The following ACTN1 variants were observed in gnomAD, a reference collection of about 807,000 sequenced individuals.
The protein encoded by ACTN1 is actinin alpha 1.
A neutral mutation model predicts 119.6 loss-of-function variants in ACTN1; 30 were observed. The observed-to-expected ratio is 0.25, with a 90% CI of 0.19 to 0.34. The LOEUF is 0.34. ACTN1 is among the 10% of genes least tolerant of loss of function. The pLI, the probability that ACTN1 is intolerant of heterozygous loss-of-function variation, is 1.00. For synonymous variants in ACTN1, 429 were observed against 472.6 expected (o/e 0.91, Z 1.20); for missense variants, 764 against 1,223.4 (o/e 0.62, Z 5.60).
rs2036569937 is a variant in ACTN1, at chr14:68,962,437, T to G, written c.105+16515A>C. Reference sequence around the variant, plus strand: ...CAGCCGCCTTCCCAGGAGCACCATTTGCCTGTGCCCACAGGTCACTTACCC... The same window carrying G: ...CAGCCGCCTTCCCAGGAGCACCATTGGCCTGTGCCCACAGGTCACTTACCC... On this transcript the variant is annotated intron_variant, in intron 1 of 21. Coordinates refer to ENST00000394419, the MANE Select transcript of ACTN1 (RefSeq NM_001130004.2). 2.6e-5 allele frequency among the ~76,000 whole-genome samples: 4 copies of G among 152,172 alleles called. No individual in the cohort carries two copies. The South Asian group carries it at 8.3e-4, about 31-fold the overall frequency.
chr14:68,978,929 A>G lies in ACTN1; in HGVS notation c.105+23T>C, dbSNP rs4902685. ...CTGGGGGCTGGGGGCTGGGGGCTGC[A>G]GCGGGCGGGGGCGGCTGCTAACCTT... On this transcript the variant is annotated intron_variant, in intron 1 of 21. Transcript: ENST00000394419. 0.96 allele frequency: 1,456,238 copies of G among 1,516,710 alleles called. 699,339 individuals carry two copies. The highest frequency in any genetic ancestry group is 1 in the East Asian group (41,415 of 41,420). The allele number at this position is 1,516,710 out of a possible 1,614,324, so 94.0% of individuals were successfully genotyped here.
At chr14:68,903,175 C>G (rs2033448712) in intron 7 of ACTN1, among the ~76,000 whole-genome samples, 2 of 152,176 alleles carry the variant, frequency 1.3e-5, no homozygotes, top group Non-Finnish European at 2.9e-5. Flanking sequence ...CCTCAGTAGC[C>G]ATTCTATCTG....
intron 1 of ACTN1, among the ~76,000 whole-genome samples, chr14:68,968,275 G>A (rs939906574): frequency 3.3e-5 from 5 of 152,314 alleles, no homozygotes; most frequent in African/African-American, 7.2e-5. Flanking sequence ...GAACGCCACC[G>A]CAGAGGCAGG....
chr14:68,939,084 C>T (rs1485529075), intron 1 of ACTN1, among the ~76,000 whole-genome samples: 1 of 152,234 alleles, frequency 6.6e-6, no homozygotes, highest in Non-Finnish European at 1.5e-5. Flanking sequence ...CACCATGAGA[C>T]TCTGATCTGG....
At chr14:68,939,863 G>A (rs996933339) in intron 1 of ACTN1, among the ~76,000 whole-genome samples, 12 of 152,042 alleles carry the variant, frequency 7.9e-5, no homozygotes, top group African/African-American at 2.7e-4. Context: ...ATATCAAGAC[G>A]TGGTTTTGTT....
intron 8 of ACTN1, among the ~76,000 whole-genome samples, chr14:68,897,962 C>T (rs1246820544): frequency 6.6e-6 from 1 of 152,248 alleles, no homozygotes; most frequent in Non-Finnish European, 1.5e-5. Context: ...ACAACACTGT[C>T]TGCCCCTTCC....
chr14:68,917,440 C>T (rs1469986383), intron 3 of ACTN1, among the ~76,000 whole-genome samples: 1 of 152,160 alleles, frequency 6.6e-6, no homozygotes, highest in Non-Finnish European at 1.5e-5. Flanking sequence ...GAGGGGTGTC[C>T]CTGCTGGGCC....
At chr14:68,881,374 C>T (rs1365623692) in intron 16 of ACTN1, among the ~76,000 whole-genome samples, 2 of 152,172 alleles carry the variant, frequency 1.3e-5, no homozygotes, top group Non-Finnish European at 2.9e-5. Context: ...GTAGCCTCGG[C>T]AGACCTCACT....
At chr14:68,957,687 G>A (rs1387431725) in intron 1 of ACTN1, among the ~76,000 whole-genome samples, 1 of 152,170 alleles carries the variant, frequency 6.6e-6, no homozygotes, top group African/African-American at 2.4e-5. Context: ...TCTGTGGGTT[G>A]CAGGGGGTCA....
At chr14:68,914,400 C>T (rs1456393577) in intron 3 of ACTN1, among the ~76,000 whole-genome samples, 1 of 152,134 alleles carries the variant, frequency 6.6e-6, no homozygotes, top group Non-Finnish European at 1.5e-5. Context: ...AACCAATTCA[C>T]AAGAATGTTC....
rs755162155 is a variant in ACTN1 at position 68,878,983 on chromosome 14, G to A, written c.2361+6C>T. On this transcript the variant is annotated splice_donor_region_variant and intron_variant, in intron 19 of 21. Coordinates refer to ENST00000394419, the MANE Select transcript of ACTN1 (RefSeq NM_001130004.2). This position sits in a 1 kb window ranked among gnomAD's most constrained non-coding sequence, Gnocchi z 4.4. Reference sequence around the variant, plus strand: ...CCTGAGCGTGCTCCATGCAGGAGGCGAGTACCTGGGGGTCGTTGCCAATAT... The same window carrying A: ...CCTGAGCGTGCTCCATGCAGGAGGCAAGTACCTGGGGGTCGTTGCCAATAT... The A allele has an allele frequency of 1.8e-5, 29 of 1,613,202 alleles. No homozygotes were observed. Among genetic ancestry groups the A allele is most frequent in the Non-Finnish European group, 2.1e-5 (25 of 1,179,844 alleles).
intron 3 of ACTN1, among the ~76,000 whole-genome samples, chr14:68,912,718 C>T (rs2034079425): frequency 6.6e-6 from 1 of 152,036 alleles, no homozygotes; most frequent in African/African-American, 2.4e-5. Context: ...GTGACAGGTG[C>T]TGGAAGAGAA....
At chr14:68,936,973 T>G in intron 1 of ACTN1, 1 of 422,962 alleles carries the variant, frequency 2.4e-6, no homozygotes, top group Non-Finnish European at 4.6e-6. Context: ...TGTACTCACC[T>G]CTGATGTACT....
intron 7 of ACTN1, among the ~76,000 whole-genome samples, chr14:68,903,907 G>A (rs2033503817): frequency 6.6e-6 from 1 of 152,160 alleles, no homozygotes; most frequent in Non-Finnish European, 1.5e-5. Context: ...CCAGCCCCAG[G>A]CCCAATCTTT....
At chr14:68,924,333 A>T (rs1014722764) in intron 2 of ACTN1, among the ~76,000 whole-genome samples, 58 of 148,000 alleles carry the variant, frequency 3.9e-4, no homozygotes, top group Non-Finnish European at 6.0e-4. Context: ...AACTACTTTT[A>T]AAAAAAAAGG....
intron 13 of ACTN1, 53 bp from the exon 14 acceptor site, chr14:68,884,361 CCCACT>C (rs965922069): frequency 1.3e-6 from 2 of 1,565,046 alleles, no homozygotes; most frequent in African/African-American, 2.7e-5. Flanking sequence ...AGAATCATCC[CCCACT>C]CCTATCAAGA....
At chr14:68,947,982 C>T (rs1025892513) in intron 1 of ACTN1, among the ~76,000 whole-genome samples, 1 of 152,198 alleles carries the variant, frequency 6.6e-6, no homozygotes, top group Non-Finnish European at 1.5e-5. Flanking sequence ...AGCACACAGC[C>T]GGCCCAAGCC....
At chr14:68,881,038 C>A in intron 16 of ACTN1, 49 bp from the exon 17 acceptor site, 3 of 1,592,678 alleles carry the variant, frequency 1.9e-6, no homozygotes, top group South Asian at 2.2e-5. Context: ...ACTCTGCTCC[C>A]ATAGGGTGGG....
At chr14:68,947,485 C>T (rs1402999852) in intron 1 of ACTN1, 1 of 152,262 alleles carries the variant, frequency 6.6e-6, no homozygotes, top group East Asian at 1.9e-4. Context: ...TAAGGACCAG[C>T]TCAAGGACAC....
Sources: allele counts gnomAD v4.1 joint callset (sites outside exome capture counted in the v4.1 genomes callset), GRCh38; gene constraint gnomAD v4.1.1; non-coding constraint Gnocchi (gnomAD v3.1); transcripts MANE v1.5; gene names NCBI Gene and HGNC (gene_info 2026-07-23, HGNC 2026-07-21).